The following PRDM15 variants were observed in gnomAD, a reference collection of about 807,000 sequenced individuals.
The protein encoded by PRDM15 is PR/SET domain 15.
A neutral mutation model predicts 128.6 loss-of-function variants in PRDM15; 64 were observed. The ratio of observed to expected loss-of-function variants is 0.50; its 90% CI spans 0.41 to 0.61. The LOEUF is 0.61. PRDM15 is among the 20% of genes least tolerant of loss of function. The pLI, the probability that PRDM15 is intolerant of heterozygous loss-of-function variation, is 0.00. For missense variants in PRDM15, 1,242 were observed against 1,569.1 expected (o/e 0.79, Z 3.52); for synonymous variants, 615 against 621.8 (o/e 0.99, Z 0.16).
chr21:41,808,080 C>T (rs1311470450), intron 21 of PRDM15, among the ~76,000 whole-genome samples: 1 of 152,156 alleles, frequency 6.6e-6, no homozygotes, highest in Non-Finnish European at 1.5e-5. Flanking sequence ...CTCCGGTGTA[C>T]AAAAGTGATG....
At chr21:41,840,396 A>T (rs1405918019) in intron 6 of PRDM15, among the ~76,000 whole-genome samples, 1 of 149,394 alleles carries the variant, frequency 6.7e-6, no homozygotes, top group Admixed American at 6.8e-5. Flanking sequence ...CAGTGAACTG[A>T]GATAGCACCA....
intron 4 of PRDM15, among the ~76,000 whole-genome samples, chr21:41,855,051 C>G (rs1194614403): frequency 6.6e-6 from 1 of 152,186 alleles, no homozygotes; most frequent in Non-Finnish European, 1.5e-5. Context: ...GCAGACACAG[C>G]CAGCGGTCTA....
rs1217287627 is a variant in PRDM15, at chr21:41,862,233, A to G, written c.-9-1861T>C. On this transcript the variant is annotated intron_variant, in intron 1 of 23. Transcript: ENST00000398548. This position sits in a 1 kb window ranked among gnomAD's most constrained non-coding sequence, Gnocchi z 4.1. ...CAGGAGCTTGGGCGATGGGAACGAT[A>G]GGCCTTAAGAGGCGCCCCACACTGC... 6.6e-6 allele frequency among the ~76,000 whole-genome samples: 1 copy of G among 152,208 alleles called. No individual in the cohort carries two copies. Among genetic ancestry groups the G allele is most frequent in the African/African-American group, 2.4e-5 (1 of 41,450 alleles).
intron 13 of PRDM15, among the ~76,000 whole-genome samples, chr21:41,824,995 G>A (rs982578414): frequency 6.6e-6 from 1 of 152,192 alleles, no homozygotes. Flanking sequence ...CGGGGCTCAC[G>A]TGAGCTGTGT....
chr21:41,816,882 A>G (rs1297203006), intron 18 of PRDM15, among the ~76,000 whole-genome samples: 1 of 57,158 alleles, frequency 1.7e-5, no homozygotes, highest in East Asian at 5.2e-4. Context: ...AGTTACTGTC[A>G]ATCCTTTTGA....
In PRDM15 at chr21:41,854,161, C is replaced by T. The variant is rs896970991; in HGVS notation, c.538+405G>A. Among the ~76,000 whole-genome samples, 3 of 152,172 alleles carry T rather than the reference C, an allele frequency of 2.0e-5. No individual in the cohort carries two copies. The highest frequency in any genetic ancestry group is 4.8e-5 in the African/African-American group (2 of 41,452). ...GACCATGTGTTACAGTTGCCCACAG[C>T]ATGCAGTACAGTCACATGCTGGACA... On this transcript the variant is annotated intron_variant, in intron 5 of 23. Transcript: ENST00000398548. The surrounding 1 kb of genome is among the most constrained non-coding windows in gnomAD (Gnocchi z 4.6).
Position 41,804,564 on chromosome 21 carries a change from G to A in PRDM15, c.2703C>T (p.Thr901=). The A allele has an allele frequency of 1.3e-6, 2 of 1,571,948 alleles. No homozygotes were observed. Among genetic ancestry groups the A allele is most frequent in the South Asian group, 1.2e-5 (1 of 85,376 alleles). The change falls in exon 22 of 24, where the codon ACC becomes ACT. Residue 901 remains threonine (T), a synonymous_variant. Coordinates refer to ENST00000398548, the MANE Select transcript of PRDM15 (RefSeq NM_001040424.3). ...DDLDHLPETT[T]IDASSIGIVQ... is the part of the protein sequence containing the mutation. ...CGATGCCAATGGAGGAGGCGTCGAT[G>A]GTGGTGGTCTCCGGGAGGTGGTCCA...
chr21:41,813,544 C>T (rs954852884), intron 19 of PRDM15: 7 of 152,308 alleles, frequency 4.6e-5, no homozygotes, highest in Admixed American at 2.0e-4. Flanking sequence ...AGTTGAGGGG[C>T]CCCCAGGGGG....
intron 21 of PRDM15, among the ~76,000 whole-genome samples, chr21:41,806,486 CCACCACCAT>C (rs1462387102): frequency 1.8e-5 from 2 of 108,590 alleles, no homozygotes; most frequent in East Asian, 6.0e-4. Context: ...CCCATTACTA[CCACCACCAT>C]CACCACCATC....
chr21:41,863,473 C>T (rs150163689), intron 1 of PRDM15, among the ~76,000 whole-genome samples: 10 of 152,284 alleles, frequency 6.6e-5, no homozygotes, highest in African/African-American at 2.4e-4. Flanking sequence ...ACTACTACTA[C>T]AAAAACTAAC....
chr21:41,814,412 T>C (rs2061971383), intron 19 of PRDM15: 1 of 64,152 alleles, frequency 1.6e-5, no homozygotes, highest in Non-Finnish European at 3.1e-5. Flanking sequence ...TGCCTTGTGT[T>C]AGTGATTGCA....
At chr21:41,868,923 C>A (rs1351413576) in intron 1 of PRDM15, among the ~76,000 whole-genome samples, 1 of 152,030 alleles carries the variant, frequency 6.6e-6, no homozygotes, top group African/African-American at 2.4e-5. Flanking sequence ...CTCCTCACCT[C>A]GTGATCCACC....
chr21:41,818,349 G>A (rs1221914982), intron 18 of PRDM15, among the ~76,000 whole-genome samples: 1 of 152,230 alleles, frequency 6.6e-6, no homozygotes, highest in Non-Finnish European at 1.5e-5. Context: ...AACCACCGCA[G>A]TGGCTCTGCG....
intron 21 of PRDM15, among the ~76,000 whole-genome samples, chr21:41,806,352 T>C (rs941561981): frequency 1.5e-3 from 12 of 8,014 alleles, no homozygotes; most frequent in South Asian, 4.5e-3. Flanking sequence ...ACCACCACCA[T>C]CACCACCACC....
In PRDM15 at chr21:41,810,355, T is replaced by C; in HGVS notation, c.2477-26A>G. 1 of 1,598,302 alleles carries C rather than the reference T, an allele frequency of 6.3e-7. No homozygotes were observed. The highest frequency in any genetic ancestry group is 1.1e-5 in the South Asian group (1 of 89,820). On this transcript the variant is annotated intron_variant, in intron 20 of 23. Transcript: ENST00000398548. The surrounding 1 kb of genome is among the most constrained non-coding windows in gnomAD (Gnocchi z 6.4). ...CTTTTCACACACACGCAGACACACA[T>C]GCGCGTGGAAAGGAAGAGACACGCA...
rs1174491109 is a variant in PRDM15 at position 41,806,510 on chromosome 21, TCAC to T, written c.2653-1899_2653-1897del. ...ACCACCACCATCACCACCATCACCATCACCACCACCATCACCACCACCATCACT... is the reference window on the plus strand; with the variant it reads ...ACCACCACCATCACCACCATCACCATCACCACCATCACCACCACCATCACT... On this transcript the variant is annotated intron_variant, in intron 21 of 23. Coordinates refer to ENST00000398548, the MANE Select transcript of PRDM15 (RefSeq NM_001040424.3). Among the ~76,000 whole-genome samples the T allele has an allele frequency of 3.7e-4, 7 of 19,072 alleles. 2 individuals carry two copies. The highest frequency in any genetic ancestry group is 1.2e-3 in the African/African-American group (4 of 3,364). The allele number at this position is 19,072 out of a possible 152,430, so 12.5% of individuals were successfully genotyped here.
In PRDM15 at chr21:41,854,479, T is replaced by A; in HGVS notation, c.538+87A>T. 5 of 1,518,162 alleles carry A rather than the reference T, an allele frequency of 3.3e-6. No individual in the cohort carries two copies. The highest frequency in any genetic ancestry group is 4.4e-6 in the Non-Finnish European group (5 of 1,124,548). The allele number at this position is 1,518,162 out of a possible 1,614,324, so 94.0% of individuals were successfully genotyped here. A position where few individuals can be genotyped will look rare whatever the true frequency, so the allele number is the denominator to read the frequency against. ...GGCCCAGCCCAACCCATCTCATCAG[T>A]GTGGGGTCAGCACAGAGCCAAGGGA... is the stretch of plus-strand genomic sequence containing the variant. On this transcript the variant is annotated intron_variant, in intron 5 of 23. Transcript: ENST00000398548. This position sits in a 1 kb window ranked among gnomAD's most constrained non-coding sequence, Gnocchi z 4.6.
intron 18 of PRDM15, among the ~76,000 whole-genome samples, chr21:41,818,619 C>T (rs570168980): frequency 1.6e-4 from 24 of 152,210 alleles, no homozygotes; most frequent in South Asian, 1.5e-3. Flanking sequence ...GGCTTTGACA[C>T]GCAGCGTTAT....
chr21:41,870,161 T>C (rs2064161114), intron 1 of PRDM15, among the ~76,000 whole-genome samples: 1 of 152,256 alleles, frequency 6.6e-6, no homozygotes, highest in Non-Finnish European at 1.5e-5. Flanking sequence ...AAATTCTTGC[T>C]CAGATTCACA....
Sources: gnomAD v4.1 joint callset for allele counts (sites outside exome capture counted in the v4.1 genomes callset) on GRCh38, gnomAD v4.1.1 for gene constraint, Gnocchi (gnomAD v3.1) non-coding constraint, MANE v1.5 for transcripts, NCBI Gene and HGNC (gene_info 2026-07-23, HGNC 2026-07-21) for gene names.